NCOR2: variants seen among roughly 807,000 people sequenced by gnomAD.
The protein encoded by NCOR2 is CTG repeat protein 26.
NCOR2 carries 81 observed loss-of-function variants against 262.9 expected under a neutral mutation model. The observed-to-expected ratio is 0.31, with a 90% CI of 0.26 to 0.37. The LOEUF is 0.37. Ranked by LOEUF, NCOR2 falls within the 10% of genes least tolerant of loss-of-function variation. The probability of loss-of-function intolerance (pLI) is 1.00; values close to 1 mark genes in which losing one functional copy is unlikely to be tolerated. For missense variants in NCOR2, 3,385 were observed against 3,621.4 expected, an observed-to-expected ratio of 0.93 and a Z score of 1.68; for synonymous variants, 1,659 against 1,559.3, an observed-to-expected ratio of 1.06 and a Z score of -1.51.
At position 124,504,517 on chromosome 12, in the gene NCOR2, G is replaced by A. The variant is rs989183722; in HGVS notation, c.-117-9149C>T. Among the ~76,000 whole-genome samples the A allele has an allele frequency of 6.6e-5, 10 of 152,270 alleles. No homozygotes were observed. The highest frequency in any genetic ancestry group is 2.4e-4 in the African/African-American group (10 of 41,554). On this transcript the variant is annotated intron_variant, in intron 1 of 46. Transcript: ENST00000404621. This position sits in a 1 kb window ranked among gnomAD's most constrained non-coding sequence, Gnocchi z 4.5. ...ACCCAGAATTACCCCATGACCCAGCGATGCCACTCCTAGCTACACATCCCC... is the reference window on the plus strand; with the variant it reads ...ACCCAGAATTACCCCATGACCCAGCAATGCCACTCCTAGCTACACATCCCC...
intron 7 of NCOR2, among the ~76,000 whole-genome samples, chr12:124,444,745 T>C (rs1702320): frequency 6.6e-6 from 1 of 151,874 alleles, no homozygotes; most frequent in African/African-American, 2.4e-5. Context: ...CGGGTTGGGG[T>C]GATGGTCTGA....
At chr12:124,546,086 G>A (rs547681150) in intron 1 of NCOR2, among the ~76,000 whole-genome samples, 1 of 152,222 alleles carries the variant, frequency 6.6e-6, no homozygotes, top group East Asian at 1.9e-4. Flanking sequence ...CACAGGTCTC[G>A]TGATCTCAGG....
At position 124,503,492 on chromosome 12, in the gene NCOR2, T is replaced by TGATGGATTGATG. The variant is rs1555233106; in HGVS notation, c.-117-8125_-117-8124insCATCAATCCATC. Among the ~76,000 whole-genome samples the TGATGGATTGATG allele has an allele frequency of 2.1e-4, 31 of 147,702 alleles. No individual in the cohort carries two copies. Among genetic ancestry groups the TGATGGATTGATG allele is most frequent in the South Asian group, 1.1e-3 (5 of 4,618 alleles). On this transcript the variant is annotated intron_variant, in intron 1 of 46. Coordinates refer to the NCOR2 transcript ENST00000404621. This position sits in a 1 kb window ranked among gnomAD's most constrained non-coding sequence, Gnocchi z 4.3. ...ATGGATGGATGGATGGATGATGGAT[T>TGATGGATTGATG]GATGGATGGATGGATGGATGGACAG...
rs571934924 is a variant in NCOR2 at position 124,549,589 on chromosome 12, C to A, written c.-164-13978G>T. On this transcript the variant is annotated intron_variant, in intron 1 of 32. Transcript: ENST00000458234. The surrounding 1 kb of genome is among the most constrained non-coding windows in gnomAD (Gnocchi z 4.4). ...GAGCCCCAGGACAGAAGCGGTCACACATCATGGGCTCATCATCACAGCCAC... is the reference window on the plus strand; with the variant it reads ...GAGCCCCAGGACAGAAGCGGTCACAAATCATGGGCTCATCATCACAGCCAC... Among the ~76,000 whole-genome samples the A allele has an allele frequency of 6.6e-6, 1 of 152,270 alleles. No homozygotes were observed. Among genetic ancestry groups the A allele is most frequent in the East Asian group, 1.9e-4 (1 of 5,174 alleles).
intron 3 of NCOR2, among the ~76,000 whole-genome samples, chr12:124,476,678 G>T (rs749053058): frequency 6.6e-6 from 1 of 152,192 alleles, no homozygotes; most frequent in East Asian, 1.9e-4. Flanking sequence ...ACTCTCCATG[G>T]ATAAAAGCCG....
At chr12:124,480,987 G>A (rs1200116304) in intron 3 of NCOR2, among the ~76,000 whole-genome samples, 2 of 152,054 alleles carry the variant, frequency 1.3e-5, no homozygotes, top group East Asian at 3.9e-4. Flanking sequence ...AAGGACAGAT[G>A]GCCGCAGGCA....
intron 19 of NCOR2, among the ~76,000 whole-genome samples, chr12:124,373,215 C>G: frequency 6.8e-6 from 1 of 146,564 alleles, no homozygotes; most frequent in Non-Finnish European, 1.5e-5. Flanking sequence ...TACAGGGGAC[C>G]CGGGCACAGT....
chr12:124,330,157 CCA>C (rs1485761228), intron 44 of NCOR2, among the ~76,000 whole-genome samples: 1 of 152,224 alleles, frequency 6.6e-6, no homozygotes, highest in African/African-American at 2.4e-5. Context: ...AACCAGGCAC[CCA>C]CACAGAGGCA....
intron 23 of NCOR2, 61 bp downstream of exon 25, chr12:124,356,572 CCAGTGCAAA>C (rs915963859): frequency 1.0e-4 from 131 of 1,279,232 alleles, no homozygotes; most frequent in Non-Finnish European, 1.2e-4. Flanking sequence ...CAGCTCTGAG[CCAGTGCAAA>C]CAGTGCAAAC....
chr12:124,414,014 G>C (rs1795202384), intron 13 of NCOR2, among the ~76,000 whole-genome samples: 1 of 147,500 alleles, frequency 6.8e-6, no homozygotes, highest in Admixed American at 6.7e-5. Context: ...CCCGCATCCA[G>C]CATCCGACTC....
At position 124,549,576 on chromosome 12, in the gene NCOR2, A is replaced by C. The variant is rs1303607780; in HGVS notation, c.-164-13965T>G. Among the ~76,000 whole-genome samples the C allele has an allele frequency of 6.6e-6, 1 of 152,104 alleles. No individual in the cohort carries two copies. Among genetic ancestry groups the C allele is most frequent in the Non-Finnish European group, 1.5e-5 (1 of 68,006 alleles). On this transcript the variant is annotated intron_variant, in intron 1 of 32. Coordinates refer to the NCOR2 transcript ENST00000458234. This position sits in a 1 kb window ranked among gnomAD's most constrained non-coding sequence, Gnocchi z 4.4. ...CAGCGGGCTGAGGGAGCCCCAGGAC[A>C]GAAGCGGTCACACATCATGGGCTCA...
chr12:124,439,401 G>A (rs1593547353), intron 7 of NCOR2, among the ~76,000 whole-genome samples: 5 of 137,864 alleles, frequency 3.6e-5, no homozygotes, highest in South Asian at 2.4e-4. Context: ...AGAGACAGAG[G>A]GAGACAGAGA....
In NCOR2 at chr12:124,354,081, C is replaced by G; in HGVS notation, c.3693+12G>C. On this transcript the variant is annotated intron_variant, in intron 27 of 46. Transcript: ENST00000405201. Reference sequence around the variant, plus strand: ...CCCAACCGTCCTTCCTGCCGCACCCCAGGACACCTACGTGGGTGATGGAGC... The same window carrying G: ...CCCAACCGTCCTTCCTGCCGCACCCGAGGACACCTACGTGGGTGATGGAGC... The G allele has an allele frequency of 6.2e-7, 1 of 1,605,308 alleles. No homozygotes were observed. The highest frequency in any genetic ancestry group is 1.3e-5 in the African/African-American group (1 of 74,918).
At chr12:124,413,349 C>T (rs776056479) in intron 13 of NCOR2, among the ~76,000 whole-genome samples, 6 of 152,296 alleles carry the variant, frequency 3.9e-5, no homozygotes, top group East Asian at 3.9e-4. Flanking sequence ...ACCCTATTTT[C>T]GGAAGGATTA....
chr12:124,464,086 G>A (rs1311664932), intron 5 of NCOR2, among the ~76,000 whole-genome samples: 1 of 152,246 alleles, frequency 6.6e-6, no homozygotes, highest in Non-Finnish European at 1.5e-5. Context: ...GTCCCATGGG[G>A]ACAAGGGCTA....
At chr12:124,553,332 T>C (rs948009407) in intron 1 of NCOR2, among the ~76,000 whole-genome samples, 6 of 152,200 alleles carry the variant, frequency 3.9e-5, no homozygotes, top group African/African-American at 1.4e-4. Context: ...TAAATCCCCT[T>C]TGCAGCATAA....
At chr12:124,528,215 T>C (rs1042834254) in intron 1 of NCOR2, among the ~76,000 whole-genome samples, 4 of 152,154 alleles carry the variant, frequency 2.6e-5, no homozygotes, top group South Asian at 2.1e-4. Flanking sequence ...TGGGGATGAC[T>C]ATGAGACGGA....
rs746793483 is a variant in NCOR2 at position 124,340,164 on chromosome 12, G to A, written c.5529C>T (p.Gly1843=). Residue 1843 remains glycine, a synonymous_variant, in exon 37 of 47, where the codon GGC becomes GGT. Transcript: ENST00000405201. ...AGTGGGAGGCGGGGCGGCTGCTGCT[G>A]CCCCCACCCCCGCCGCTGCTGCCGC... 7 of 942,874 alleles carry A rather than the reference G, an allele frequency of 7.4e-6. No homozygotes were observed. In the South Asian group the frequency reaches 7.7e-5, roughly 10 times the overall value. The allele number at this position is 942,874 out of a possible 1,614,324, so 58.4% of individuals were successfully genotyped here.
At position 124,443,980 on chromosome 12, in the gene NCOR2, C is replaced by G. The variant is rs990892268; in HGVS notation, c.815+5835G>C. On this transcript the variant is annotated intron_variant, in intron 7 of 46. Coordinates refer to ENST00000405201, the Ensembl canonical transcript of NCOR2. This position sits in a 1 kb window ranked among gnomAD's most constrained non-coding sequence, Gnocchi z 4.4. ...TCAAAGGTCGCCCAGCTCCCCGTTC[C>G]TCAGCCCCTACTACTCCCTATTGCC... is the stretch of plus-strand genomic sequence containing the variant. 7.9e-5 allele frequency among the ~76,000 whole-genome samples: 12 copies of G among 152,166 alleles called. No individual in the cohort carries two copies. The highest frequency in any genetic ancestry group is 2.7e-4 in the African/African-American group (11 of 41,452).
Sources: gnomAD v4.1 joint callset for allele counts (sites outside exome capture counted in the v4.1 genomes callset) on GRCh38, gnomAD v4.1.1 for gene constraint, Gnocchi (gnomAD v3.1) non-coding constraint, MANE v1.5 for transcripts, NCBI Gene and HGNC (gene_info 2026-07-23, HGNC 2026-07-21) for gene names.